Variants in WNK3 observed in about 807,000 individuals in gnomAD.
WNK3 encodes WNK lysine deficient protein kinase 3, also known as serine/threonine-protein kinase WNK3.
A neutral mutation model predicts 116.7 loss-of-function variants in WNK3; 18 were observed. That is an observed-to-expected ratio of 0.15 (90% CI 0.11 to 0.23). The LOEUF is 0.23. Among genes scored for constraint, WNK3 ranks in the 10% least tolerant of loss-of-function variants. The pLI, the probability that WNK3 is intolerant of heterozygous loss-of-function variation, is 1.00. For synonymous variants in WNK3, 404 were observed against 469.4 expected (o/e 0.86, Z 1.80); for missense variants, 993 against 1,323.8 (o/e 0.75, Z 3.88).
chrX:54,221,826 C>T, intron 22 of WNK3, among the ~76,000 whole-genome samples: 1 of 109,195 alleles, frequency 9.2e-6, no homozygotes, highest in Non-Finnish European at 1.9e-5. Context: ...AGAGCAAGAC[C>T]CCATCTTAAA....
chrX:54,302,473 G>A (rs1018866891), intron 5 of WNK3, among the ~76,000 whole-genome samples: 1 of 106,492 alleles, frequency 9.4e-6, no homozygotes, highest in African/African-American at 3.4e-5. Context: ...TAATTTTTCT[G>A]TATTTTTAGT....
At chrX:54,251,802 A>G (rs1167601314) in intron 13 of WNK3, 115 bp from the exon 14 acceptor site, 1 of 698,051 alleles carries the variant, frequency 1.4e-6, no homozygotes, top group Non-Finnish European at 2.0e-6. Flanking sequence ...ACAGTGGCTC[A>G]TGCCTGTAAT....
chrX:54,298,691 A>G (rs1603392756), intron 6 of WNK3, among the ~76,000 whole-genome samples: 2 of 111,885 alleles, frequency 1.8e-5, no homozygotes. Flanking sequence ...TAAATAACAA[A>G]GTTTAACATA....
intron 10 of WNK3, among the ~76,000 whole-genome samples, chrX:54,288,887 A>T (rs1434632922): frequency 8.9e-6 from 1 of 111,781 alleles, no homozygotes; most frequent in African/African-American, 3.2e-5. Flanking sequence ...ATAACTTCTG[A>T]TGTGCAGAGT....
At position 54,249,281 on chromosome X, in the gene WNK3, C is replaced by T. The variant is rs781891866; in HGVS notation, c.3067G>A (p.Glu1023Lys). The change falls in exon 17 of 24, where the codon GAA (glutamate) becomes AAA (lysine). Residue 1023 changes from glutamate to lysine, a missense_variant. Transcript: ENST00000354646. ...GAGTTACCAGAAGTCTGAGTTGATT[C>T]GCCAGGATGGGACATAAGTGCATCA... is the stretch of plus-strand genomic sequence containing the variant. The T allele has an allele frequency of 1.2e-5, 15 of 1,210,318 alleles. No individual in the cohort carries two copies. Among genetic ancestry groups the T allele is most frequent in the Admixed American group, 2.2e-5 (1 of 45,738 alleles).
intron 4 of WNK3, among the ~76,000 whole-genome samples, chrX:54,308,813 C>T (rs782228563): frequency 2.4e-4 from 27 of 111,725 alleles, no homozygotes; most frequent in Non-Finnish European, 4.1e-4. Flanking sequence ...CCAGTATTGG[C>T]AAACTTTTCT....
chrX:54,240,762 A>T (rs1557151368), intron 17 of WNK3, among the ~76,000 whole-genome samples: 3 of 111,496 alleles, frequency 2.7e-5, no homozygotes, highest in African/African-American at 9.8e-5. Context: ...ACTCTATCAG[A>T]TCTATCTTCT....
At chrX:54,284,363 T>A (rs2068555387) in intron 10 of WNK3, among the ~76,000 whole-genome samples, 1 of 111,555 alleles carries the variant, frequency 9.0e-6, no homozygotes. Flanking sequence ...ATACAACAAC[T>A]AGAATAACTA....
intron 11 of WNK3, among the ~76,000 whole-genome samples, chrX:54,258,909 A>G (rs190690964): frequency 1.0e-4 from 11 of 110,449 alleles, no homozygotes; most frequent in African/African-American, 2.9e-4. Flanking sequence ...ACAGAAAAAT[A>G]CTAGTTTTCA....
chrX:54,194,109 CAT>C (rs1444325640), exon 24 of WNK3: 1 of 111,360 alleles, frequency 9.0e-6, no homozygotes, highest in Admixed American at 9.6e-5. Context: ...ACACAGTAAA[CAT>C]GTGAAACAAG....
chrX:54,198,526 T>C, exon 24 of WNK3: 1 of 1,205,794 alleles, frequency 8.3e-7, no homozygotes, highest in Non-Finnish European at 1.1e-6. Flanking sequence ...AGGCATTCCA[T>C]ATGATGATAA....
intron 1 of WNK3, among the ~76,000 whole-genome samples, chrX:54,349,664 GAAC>G (rs1273781381): frequency 9.0e-6 from 1 of 111,666 alleles, no homozygotes; most frequent in Non-Finnish European, 1.9e-5. Flanking sequence ...TCTTGATAAA[GAAC>G]AACAAGAACT....
intron 22 of WNK3, among the ~76,000 whole-genome samples, chrX:54,204,445 G>A (rs1421712804): frequency 1.8e-5 from 2 of 111,666 alleles, no homozygotes. Flanking sequence ...ACACAGTAGT[G>A]TTGTATAAGA....
At chrX:54,321,176 C>T (rs1022740972) in intron 2 of WNK3, among the ~76,000 whole-genome samples, 6 of 111,852 alleles carry the variant, frequency 5.4e-5, no homozygotes, top group African/African-American at 1.9e-4. Flanking sequence ...GGATTACAGG[C>T]GTGAGCTACC....
intron 17 of WNK3, among the ~76,000 whole-genome samples, chrX:54,241,678 G>A (rs141556590): frequency 0.024 from 2,712 of 111,714 alleles, 94 homozygotes; most frequent in African/African-American, 0.085. Flanking sequence ...TAAGAGCTGC[G>A]CGCAGTGGCT....
At chrX:54,220,655 A>T (rs2067751599) in intron 22 of WNK3, among the ~76,000 whole-genome samples, 1 of 112,112 alleles carries the variant, frequency 8.9e-6, no homozygotes, top group African/African-American at 3.2e-5. Flanking sequence ...TTGCCTTTCA[A>T]ATTTTTAGGT....
intron 2 of WNK3, among the ~76,000 whole-genome samples, chrX:54,315,945 G>C (rs1177424288): frequency 1.8e-5 from 2 of 110,846 alleles, no homozygotes; most frequent in Non-Finnish European, 3.8e-5. Context: ...GAATGCAAAA[G>C]CTAACTCTCT....
intron 7 of WNK3, among the ~76,000 whole-genome samples, chrX:54,296,163 C>T (rs2068696657): frequency 9.0e-6 from 1 of 111,622 alleles, no homozygotes; most frequent in African/African-American, 3.3e-5. Context: ...GGTTCTGCCT[C>T]GTCATCTCAG....
chrX:54,339,025 A>G (rs916710506), intron 1 of WNK3, among the ~76,000 whole-genome samples: 3 of 109,041 alleles, frequency 2.8e-5, no homozygotes, highest in South Asian at 7.9e-4. Context: ...AAAAGAAGCA[A>G]ATAAGAAGGA....
Sources: allele counts gnomAD v4.1 joint callset (sites outside exome capture counted in the v4.1 genomes callset), GRCh38; gene constraint gnomAD v4.1.1; transcripts MANE v1.5; gene names NCBI Gene and HGNC (gene_info 2026-07-23, HGNC 2026-07-21).